ERICH3: variants seen among roughly 807,000 people sequenced by gnomAD.
ERICH3 encodes glutamate rich 3, also known as glutamate-rich protein 3.
Under a neutral mutation model 131.1 loss-of-function variants are expected in ERICH3, and 126 were observed. The observed-to-expected ratio is 0.96, with a 90% CI of 0.83 to 1.11. The LOEUF (loss-of-function observed/expected upper bound fraction) is 1.11, where lower values mean the gene tolerates loss of function less well. ERICH3 is among the 50% of genes most tolerant of loss of function. ERICH3 has a pLI of 0.00. For synonymous variants in ERICH3, 695 were observed against 644.6 expected (o/e 1.08, Z -1.18); for missense variants, 2,050 against 1,810.7 (o/e 1.13, Z -2.40).
intron 11 of ERICH3, among the ~76,000 whole-genome samples, chr1:74,594,592 C>T (rs1290981777): frequency 6.6e-6 from 1 of 152,082 alleles, no homozygotes; most frequent in African/African-American, 2.4e-5. Context: ...ACCTATAATA[C>T]ACACTCAAAA....
At chr1:74,659,631 A>T (rs1646621200) in intron 1 of ERICH3, among the ~76,000 whole-genome samples, 2 of 152,224 alleles carry the variant, frequency 1.3e-5, no homozygotes. Context: ...AGTGAAGTAT[A>T]GTGTGCTACA....
intron 13 of ERICH3, among the ~76,000 whole-genome samples, chr1:74,576,463 C>T (rs182525416): frequency 2.5e-3 from 378 of 152,302 alleles, no homozygotes; most frequent in Admixed American, 8.9e-3. Context: ...ACCTGGCCCT[C>T]TTCATGTTGC....
intron 11 of ERICH3, among the ~76,000 whole-genome samples, chr1:74,598,832 C>G (rs1256953217): frequency 6.6e-6 from 1 of 151,800 alleles, no homozygotes; most frequent in Non-Finnish European, 1.5e-5. Context: ...ATGACCCTTT[C>G]AGAAAGCAAT....
chr1:74,573,016 A>T lies in ERICH3; in HGVS notation c.2694T>A (p.Gly898=). The change falls in exon 14 of 15, where the codon GGT becomes GGA. Residue 898 remains glycine (G), a synonymous_variant. Coordinates refer to ENST00000326665, the MANE Select transcript of ERICH3 (RefSeq NM_001002912.5). ...TDKAASEGEQ[G]LEKAVLANEA... is the part of the protein sequence containing the mutation. ...CATTTGCAAGCACTGCCTTCTCTAA[A>T]CCCTGTTCCCCTTCAGAAGCTGCTT... 1.2e-6 allele frequency: 2 copies of T among 1,613,814 alleles called. No individual in the cohort carries two copies. The highest frequency in any genetic ancestry group is 2.2e-5 in the South Asian group (2 of 91,052).
At chr1:74,640,125 T>C (rs1333959640) in intron 5 of ERICH3, among the ~76,000 whole-genome samples, 3 of 152,164 alleles carry the variant, frequency 2.0e-5, no homozygotes, top group Non-Finnish European at 4.4e-5. Context: ...GGATGTATCA[T>C]AAACTATTTA....
At chr1:74,586,869 G>A (rs1205642101) in intron 12 of ERICH3, among the ~76,000 whole-genome samples, 1 of 152,090 alleles carries the variant, frequency 6.6e-6, no homozygotes, top group Non-Finnish European at 1.5e-5. Flanking sequence ...TAAATCCTAA[G>A]TTGACAAATA....
chr1:74,667,337 A>G (rs375075001), intron 1 of ERICH3, among the ~76,000 whole-genome samples: 1 of 152,168 alleles, frequency 6.6e-6, no homozygotes, highest in Non-Finnish European at 1.5e-5. Flanking sequence ...AATTTGACAG[A>G]TTTATTTAAA....
chr1:74,622,990 A>G (rs759971126), intron 7 of ERICH3: 1 of 152,210 alleles, frequency 6.6e-6, no homozygotes, highest in Non-Finnish European at 1.5e-5. Context: ...GATTAAATAT[A>G]CACACTAGGA....
rs1557687177 is a variant in ERICH3 at position 74,620,904 on chromosome 1, CT to C, written c.829del (p.Arg277GlyfsTer15). On this transcript the variant is annotated frameshift_variant, in exon 8 of 15. Transcript: ENST00000326665. LOFTEE classifies it high-confidence loss of function. ...LEPLLTKDSRRIHKTSLHSNA... is the reference protein window; with the variant it reads ...LEPLLTKDSRXIHKTSLHSNA... Reference sequence around the variant, plus strand: ...ACTATGTAAGGATGTTTTATGAATCCTTCTTGAATCCTGAAATAAACAGAAA... The same window carrying C: ...ACTATGTAAGGATGTTTTATGAATCCTCTTGAATCCTGAAATAAACAGAAA... The C allele has an allele frequency of 6.3e-7, 1 of 1,582,710 alleles. No individual in the cohort carries two copies. Among genetic ancestry groups the C allele is most frequent in the Admixed American group, 1.8e-5 (1 of 54,408 alleles).
intron 1 of ERICH3, among the ~76,000 whole-genome samples, chr1:74,656,257 T>G (rs569896051): frequency 6.6e-6 from 1 of 152,306 alleles, no homozygotes; most frequent in South Asian, 2.1e-4. Flanking sequence ...CTGTTCATTG[T>G]GAGAATATGC....
chr1:74,606,868 AC>A lies in ERICH3; in HGVS notation c.1221del (p.Ser408LeufsTer17). On this transcript the variant is annotated frameshift_variant, in exon 10 of 15. Coordinates refer to ENST00000326665, the MANE Select transcript of ERICH3 (RefSeq NM_001002912.5). LOFTEE classifies it high-confidence loss of function. ...CIIAMGLDKK[P>X]SLPKSRKEKS... ...TTTTCTTTCCTAGATTTCGGCAAAG[AC>A]GGTTTTTTGTCAAGGCCCATTGCAA... The A allele has an allele frequency of 6.2e-7, 1 of 1,611,916 alleles. No homozygotes were observed. The highest frequency in any genetic ancestry group is 8.5e-7 in the Non-Finnish European group (1 of 1,179,034).
At chr1:74,580,975 T>C (rs1276470016) in intron 12 of ERICH3, among the ~76,000 whole-genome samples, 5 of 152,202 alleles carry the variant, frequency 3.3e-5, no homozygotes, top group Non-Finnish European at 7.3e-5. Flanking sequence ...TTTATGTCCA[T>C]ACAAACATAA....
intron 9 of ERICH3, among the ~76,000 whole-genome samples, chr1:74,608,076 G>A (rs1287352650): frequency 2.0e-5 from 3 of 151,948 alleles, no homozygotes; most frequent in Non-Finnish European, 4.4e-5. Flanking sequence ...AAGACTGCTA[G>A]GCTCCATCAC....
chr1:74,614,569 C>T (rs1223310673), intron 8 of ERICH3, among the ~76,000 whole-genome samples: 1 of 149,520 alleles, frequency 6.7e-6, no homozygotes, highest in Non-Finnish European at 1.5e-5. Context: ...CCCAGCTACT[C>T]GGGAGGCTGA....
At chr1:74,612,593 C>A in intron 9 of ERICH3, 30 bp downstream of exon 9, 1 of 1,493,830 alleles carries the variant, frequency 6.7e-7, no homozygotes, top group South Asian at 1.4e-5. Context: ...GCAAAACTTG[C>A]CCTCTACCAA....
At chr1:74,637,594 G>T (rs1646400734) in intron 5 of ERICH3, among the ~76,000 whole-genome samples, 1 of 152,114 alleles carries the variant, frequency 6.6e-6, no homozygotes, top group African/African-American at 2.4e-5. Context: ...TGCTTTTGGG[G>T]CATTGAAAGA....
intron 7 of ERICH3, among the ~76,000 whole-genome samples, chr1:74,629,819 C>T (rs1649532317): frequency 6.6e-6 from 1 of 152,122 alleles, no homozygotes; most frequent in Non-Finnish European, 1.5e-5. Flanking sequence ...TAGGTTTGAG[C>T]TTATTTCTGA....
At chr1:74,583,872 T>A (rs533806418) in intron 12 of ERICH3, among the ~76,000 whole-genome samples, 4 of 152,322 alleles carry the variant, frequency 2.6e-5, no homozygotes, top group African/African-American at 9.6e-5. Context: ...TCTCCTATAC[T>A]GTTTTAAACA....
chr1:74,584,729 C>T (rs1647253978), intron 12 of ERICH3, among the ~76,000 whole-genome samples: 1 of 152,190 alleles, frequency 6.6e-6, no homozygotes, highest in Admixed American at 6.5e-5. Flanking sequence ...GCATATCTCT[C>T]TCCTAGAATA....
Sources: gnomAD v4.1 joint callset for allele counts (sites outside exome capture counted in the v4.1 genomes callset) on GRCh38, gnomAD v4.1.1 for gene constraint, MANE v1.5 for transcripts, NCBI Gene and HGNC (gene_info 2026-07-23, HGNC 2026-07-21) for gene names.